Variants in MYOM1 observed in about 807,000 individuals in gnomAD.
MYOM1 encodes myomesin-1.
A neutral mutation model predicts 205.3 loss-of-function variants in MYOM1; 164 were observed. That is an observed-to-expected ratio of 0.80 (90% CI 0.70 to 0.91). The LOEUF is 0.91. MYOM1 is among the 40% of genes least tolerant of loss of function. The pLI is 0.00. For synonymous variants in MYOM1, 772 were observed against 789.4 expected (o/e 0.98, Z 0.37); for missense variants, 2,011 against 2,127.3 (o/e 0.95, Z 1.08).
chr18:3,167,600 G>T lies in MYOM1; in HGVS notation c.1339+1217C>A, dbSNP rs188206711. On this transcript the variant is annotated intron_variant, in intron 9 of 37. Transcript: ENST00000356443. ...GGGTTTCACCATGTTGGCCAGGCTGGTCTCAAACTCCTGACCTCAGGTGAT... is the reference window on the plus strand; with the variant it reads ...GGGTTTCACCATGTTGGCCAGGCTGTTCTCAAACTCCTGACCTCAGGTGAT... 3.0e-3 allele frequency among the ~76,000 whole-genome samples: 450 copies of T among 152,264 alleles called. 2 individuals are homozygous for T. The highest frequency in any genetic ancestry group is 0.01 in the African/African-American group (421 of 41,550).
chr18:3,186,853 GGAAAGGAA>G (rs1177641618), intron 5 of MYOM1, among the ~76,000 whole-genome samples: 1 of 136,890 alleles, frequency 7.3e-6, no homozygotes, highest in Non-Finnish European at 1.6e-5. Flanking sequence ...AGAAAGAAAG[GGAAAGGAA>G]GGAAGGAAGG....
chr18:3,124,986 T>C (rs2079758371), intron 19 of MYOM1, among the ~76,000 whole-genome samples: 1 of 152,170 alleles, frequency 6.6e-6, no homozygotes, highest in African/African-American at 2.4e-5. Context: ...CAAGAATGCA[T>C]TAGAAAAATG....
At chr18:3,069,832 T>C (rs2078940248) in intron 37 of MYOM1, among the ~76,000 whole-genome samples, 1 of 152,240 alleles carries the variant, frequency 6.6e-6, no homozygotes, top group Non-Finnish European at 1.5e-5. Flanking sequence ...ACATTCTCTT[T>C]CTTAATTCTC....
At chr18:3,208,975 T>C (rs1163173933) in intron 2 of MYOM1, among the ~76,000 whole-genome samples, 1 of 152,210 alleles carries the variant, frequency 6.6e-6, no homozygotes, top group African/African-American at 2.4e-5. Context: ...AACAGTCAAT[T>C]GGCTCAATAT....
At chr18:3,233,872 C>G in the MYOM1 span, among the ~76,000 whole-genome samples, 41 of 152,324 alleles carry the variant, frequency 2.7e-4, no homozygotes, top group East Asian at 5.0e-3. Context: ...AAAAAGTCAA[C>G]ATTTCAAGTA....
intron 9 of MYOM1, among the ~76,000 whole-genome samples, chr18:3,165,972 C>G (rs1275137828): frequency 6.6e-6 from 1 of 152,214 alleles, no homozygotes; most frequent in Non-Finnish European, 1.5e-5. Flanking sequence ...CAGCTTGGTG[C>G]TCACACTGCC....
At chr18:3,153,945 T>TA (rs1469356801) in intron 11 of MYOM1, among the ~76,000 whole-genome samples, 2 of 152,204 alleles carry the variant, frequency 1.3e-5, no homozygotes, top group Non-Finnish European at 2.9e-5. Flanking sequence ...ATGTCATAAT[T>TA]AATGTGTAAA....
At chr18:3,181,835 G>A (rs764551927) in intron 5 of MYOM1, among the ~76,000 whole-genome samples, 20 of 147,720 alleles carry the variant, frequency 1.4e-4, no homozygotes, top group Admixed American at 4.8e-4. Flanking sequence ...CCAGATTCAA[G>A]CAATTCTCCT....
At chr18:3,215,335 A>C (rs895511408) in intron 1 of MYOM1, 84 bp from the exon 2 acceptor site, 3 of 1,121,970 alleles carry the variant, frequency 2.7e-6, no homozygotes, top group Admixed American at 2.6e-5. Context: ...TGTAAAAATC[A>C]ATACTCTTGG....
Position 3,148,296 on chromosome 18 carries a change from G to T in MYOM1, c.1900+849C>A, listed in dbSNP as rs187252740. ...GAAACAGTTAAGAATGTTCATAGAAGCTTTCAACAGTGAATGGATAAATAC... is the reference window on the plus strand; with the variant it reads ...GAAACAGTTAAGAATGTTCATAGAATCTTTCAACAGTGAATGGATAAATAC... On this transcript the variant is annotated intron_variant, in intron 13 of 37. Coordinates refer to ENST00000356443, the MANE Select transcript of MYOM1 (RefSeq NM_003803.4). Among the ~76,000 whole-genome samples the T allele has an allele frequency of 5.9e-5, 9 of 152,350 alleles. No individual in the cohort carries two copies. In the East Asian group the frequency reaches 1.5e-3, roughly 26 times the overall value.
rs115409828 is a variant in MYOM1, at chr18:3,149,667, T to G, written c.1844-466A>C. ...TGCGGTAAAGCTCAGCAAAGCAAAT[T>G]TTTCCCATTATATTTTGAAAAATAT... On this transcript the variant is annotated intron_variant, in intron 12 of 37. Coordinates refer to ENST00000356443, the MANE Select transcript of MYOM1 (RefSeq NM_003803.4). Among the ~76,000 whole-genome samples the G allele has an allele frequency of 5.4e-3, 822 of 152,248 alleles. 7 individuals carry two copies. Among genetic ancestry groups the G allele is most frequent in the African/African-American group, 0.017 (711 of 41,524 alleles).
chr18:3,169,071 G>C, intron 8 of MYOM1, 90 bp from the exon 9 acceptor site: 1 of 725,104 alleles, frequency 1.4e-6, no homozygotes, highest in South Asian at 2.5e-5. Context: ...AGCAGTCACA[G>C]CAAAAAAAAA....
intron 21 of MYOM1, among the ~76,000 whole-genome samples, chr18:3,115,841 A>C (rs1268172424): frequency 6.6e-6 from 1 of 152,176 alleles, no homozygotes; most frequent in Non-Finnish European, 1.5e-5. Flanking sequence ...CTGTTCCACT[A>C]ATCTCTGAGA....
At chr18:3,182,910 C>CTTTT (rs1436624543) in intron 5 of MYOM1, among the ~76,000 whole-genome samples, 4 of 115,464 alleles carry the variant, frequency 3.5e-5, no homozygotes, top group Admixed American at 8.9e-5. Context: ...ACTTTTCTTT[C>CTTTT]TTCTTTTTTT....
intron 2 of MYOM1, among the ~76,000 whole-genome samples, chr18:3,195,611 T>C (rs571117474): frequency 2.0e-5 from 3 of 152,246 alleles, no homozygotes; most frequent in Admixed American, 6.5e-5. Flanking sequence ...CCTGTTTTTC[T>C]GCTTTTGCTT....
chr18:3,104,723 A>T (rs1305767153), intron 22 of MYOM1, among the ~76,000 whole-genome samples: 1 of 148,086 alleles, frequency 6.8e-6, no homozygotes, highest in Non-Finnish European at 1.5e-5. Context: ...AGTATGCTGC[A>T]CACTCACCAG....
intron 2 of MYOM1, among the ~76,000 whole-genome samples, chr18:3,204,529 A>G (rs1163206805): frequency 6.6e-6 from 1 of 152,050 alleles, no homozygotes; most frequent in Non-Finnish European, 1.5e-5. Flanking sequence ...GAAGTATAAC[A>G]CTTGTACATT....
chr18:3,097,972 C>T (rs2079327128), intron 25 of MYOM1, among the ~76,000 whole-genome samples: 1 of 152,184 alleles, frequency 6.6e-6, no homozygotes, highest in Admixed American at 6.5e-5. Context: ...AAGTGACACC[C>T]CATCTTCTCT....
At chr18:3,214,295 A>G (rs1302332327) in intron 2 of MYOM1, among the ~76,000 whole-genome samples, 3 of 152,180 alleles carry the variant, frequency 2.0e-5, no homozygotes, top group Admixed American at 6.5e-5. Context: ...ACCCGCTGTG[A>G]ATACTGAAAT....
Sources: gnomAD v4.1 joint callset for allele counts (sites outside exome capture counted in the v4.1 genomes callset) on GRCh38, gnomAD v4.1.1 for gene constraint, MANE v1.5 for transcripts, NCBI Gene and HGNC (gene_info 2026-07-23, HGNC 2026-07-21) for gene names.